Variants in PCDH11X observed in about 807,000 individuals in gnomAD.
PCDH11X encodes protocadherin 11 X-linked, also known as protocadherin-11 X-linked.
Under a neutral mutation model 53.3 loss-of-function variants are expected in PCDH11X, and 18 were observed. The observed-to-expected ratio is 0.34, with a 90% CI of 0.23 to 0.50. The LOEUF (loss-of-function observed/expected upper bound fraction) is 0.50. PCDH11X is among the 20% of genes least tolerant of loss of function. PCDH11X has a pLI of 0.98. For missense variants in PCDH11X, 570 were observed against 1,032.4 expected (o/e 0.55, Z 6.14); for synonymous variants, 279 against 393.3 (o/e 0.71, Z 3.44).
chrX:92,607,085 G>A (rs1232021650), intron 10 of PCDH11X, among the ~76,000 whole-genome samples: 4 of 111,022 alleles, frequency 3.6e-5, no homozygotes, highest in African/African-American at 1.3e-4. Context: ...ATGTAAAATA[G>A]TGCACCCAAT....
At chrX:91,818,669 A>G (rs916241715) in intron 4 of PCDH11X, among the ~76,000 whole-genome samples, 1 of 107,768 alleles carries the variant, frequency 9.3e-6, no homozygotes, top group African/African-American at 3.4e-5. Flanking sequence ...ACTGCACTCC[A>G]GCCTGGGTGA....
intron 10 of PCDH11X, among the ~76,000 whole-genome samples, chrX:92,558,879 C>T (rs994870935): frequency 2.7e-5 from 3 of 110,132 alleles, no homozygotes; most frequent in African/African-American, 9.8e-5. Context: ...TGTCAAGTAA[C>T]AGTCAAACAT....
intron 6 of PCDH11X, among the ~76,000 whole-genome samples, chrX:92,162,351 C>T (rs1296946917): frequency 1.8e-5 from 2 of 109,826 alleles, no homozygotes; most frequent in African/African-American, 6.6e-5. Flanking sequence ...ACCACCATGT[C>T]TGGCTAATTT....
intron 8 of PCDH11X, among the ~76,000 whole-genome samples, chrX:92,288,369 C>A (rs1330182315): frequency 9.4e-6 from 1 of 106,526 alleles, no homozygotes; most frequent in Non-Finnish European, 1.9e-5. Context: ...GAGGTCACTA[C>A]AAATTTTGAG....
intron 6 of PCDH11X, among the ~76,000 whole-genome samples, chrX:92,009,913 C>T (rs2062662693): frequency 9.1e-6 from 1 of 109,669 alleles, no homozygotes; most frequent in Non-Finnish European, 1.9e-5. Flanking sequence ...CCATGCTGGT[C>T]AGGCTGGGCT....
intron 10 of PCDH11X, among the ~76,000 whole-genome samples, chrX:92,525,631 CAAA>C (rs60062573): frequency 2.0e-5 from 1 of 49,081 alleles, no homozygotes; most frequent in Non-Finnish European, 4.0e-5. Flanking sequence ...AACTCTTTCT[CAAA>C]AAAAAAAAAA....
chrX:92,551,573 C>T (rs185743954), intron 10 of PCDH11X, among the ~76,000 whole-genome samples: 3,375 of 106,837 alleles, frequency 0.032, 69 homozygotes, highest in Non-Finnish European at 0.048. Context: ...AATGTGATCT[C>T]GTTTGTTTAT....
chrX:92,223,983 T>C (rs753596301), intron 7 of PCDH11X, among the ~76,000 whole-genome samples: 178 of 111,854 alleles, frequency 1.6e-3, no homozygotes, highest in African/African-American at 5.5e-3. Context: ...GCACACATTA[T>C]ATGTACCATG....
chrX:92,222,549 T>C (rs969276023), intron 7 of PCDH11X, among the ~76,000 whole-genome samples: 1 of 111,972 alleles, frequency 8.9e-6, no homozygotes, highest in East Asian at 2.8e-4. Context: ...CTTTTGTTGT[T>C]GTTGTTAGTA....
intron 6 of PCDH11X, among the ~76,000 whole-genome samples, chrX:92,182,747 A>G (rs1378427115): frequency 9.0e-6 from 1 of 111,496 alleles, no homozygotes; most frequent in Admixed American, 9.5e-5. Context: ...CTTGCTGTCC[A>G]CCATGATTGA....
chrX:91,937,492 G>A (rs966046177), intron 6 of PCDH11X, among the ~76,000 whole-genome samples: 5 of 110,901 alleles, frequency 4.5e-5, no homozygotes, highest in Non-Finnish European at 7.6e-5. Flanking sequence ...TCTGCATATT[G>A]GCTGCTTGTG....
chrX:92,342,946 T>C (rs1250198267), intron 8 of PCDH11X, among the ~76,000 whole-genome samples: 2 of 112,584 alleles, frequency 1.8e-5, no homozygotes, highest in East Asian at 5.6e-4. Context: ...AAATGATTTC[T>C]ATTTTGTGCT....
Position 92,514,015 on chromosome X carries a change from G to T in PCDH11X, c.3367+45693G>T, listed in dbSNP as rs1351909293. Among the ~76,000 whole-genome samples the T allele has an allele frequency of 8.1e-5, 9 of 111,357 alleles. No individual in the cohort carries two copies. In the East Asian group the frequency reaches 2.6e-3, roughly 32 times the overall value. On this transcript the variant is annotated intron_variant, in intron 10 of 10. Transcript: ENST00000682573. ...CTTCACTTAGCATAGTGTTTTTAAGGCTAATCCATATTGTAGTATGTATCA... is the reference window on the plus strand; with the variant it reads ...CTTCACTTAGCATAGTGTTTTTAAGTCTAATCCATATTGTAGTATGTATCA...
At chrX:91,879,771 C>T in intron 6 of PCDH11X, 1 of 749,812 alleles carries the variant, frequency 1.3e-6, no homozygotes, top group Non-Finnish European at 1.6e-6. Context: ...TCTACCAGGC[C>T]TTCAGGTCCT....
Position 92,292,239 on chromosome X carries a change from GA to G in PCDH11X, c.3144+29103del, listed in dbSNP as rs771818902. The stretch of plus-strand genomic sequence containing the variant: ...TGCTGCAGAAAAAAAAATTATTTTG[GA>G]AAAAAATATTTTGAATGTCATAACA... On this transcript the variant is annotated intron_variant, in intron 8 of 10. Coordinates refer to ENST00000682573, the MANE Select transcript of PCDH11X (RefSeq NM_032968.5). Among the ~76,000 whole-genome samples the G allele has an allele frequency of 1.9e-3, 216 of 112,005 alleles. 2 individuals carry two copies. Among genetic ancestry groups the G allele is most frequent in the African/African-American group, 6.6e-3 (205 of 30,895 alleles).
intron 8 of PCDH11X, among the ~76,000 whole-genome samples, chrX:92,383,989 T>C (rs181758718): frequency 8.9e-6 from 1 of 112,115 alleles, no homozygotes; most frequent in African/African-American, 3.2e-5. Flanking sequence ...CAGCATCTGT[T>C]GTTTCCTGAC....
intron 5 of PCDH11X, among the ~76,000 whole-genome samples, chrX:91,854,294 TAATG>T (rs1310219754): frequency 8.9e-6 from 1 of 112,131 alleles, no homozygotes; most frequent in Non-Finnish European, 1.9e-5. Flanking sequence ...TCAATTAACA[TAATG>T]ATCCATCCAT....
At chrX:92,495,098 T>C (rs1457098820) in intron 10 of PCDH11X, among the ~76,000 whole-genome samples, 3 of 106,237 alleles carry the variant, frequency 2.8e-5, no homozygotes, top group African/African-American at 1.0e-4. Context: ...ATAGTGAGGT[T>C]CCTTGAATAT....
chrX:92,374,030 A>G (rs923776154), intron 8 of PCDH11X, among the ~76,000 whole-genome samples: 2 of 109,029 alleles, frequency 1.8e-5, no homozygotes, highest in African/African-American at 6.7e-5. Flanking sequence ...CTACAAAATG[A>G]GACATTTTAA....
Sources: allele counts gnomAD v4.1 joint callset (sites outside exome capture counted in the v4.1 genomes callset), GRCh38; gene constraint gnomAD v4.1.1; transcripts MANE v1.5; gene names NCBI Gene and HGNC (gene_info 2026-07-23, HGNC 2026-07-21).